The following DHRS2 variants were observed in gnomAD, a reference collection of about 807,000 sequenced individuals.
DHRS2 encodes dehydrogenase/reductase 2.
Under a neutral mutation model 26.3 loss-of-function variants are expected in DHRS2, and 29 were observed. The ratio of observed to expected loss-of-function variants is 1.10; its 90% confidence interval spans 0.82 to 1.50. The LOEUF is 1.50. DHRS2 is among the 40% of genes most tolerant of loss of function. DHRS2 has a pLI of 0.00. For synonymous variants in DHRS2, 164 were observed against 151.3 expected, an observed-to-expected ratio of 1.08 and a Z score of -0.62; for missense variants, 439 against 367.1, an observed-to-expected ratio of 1.20 and a Z score of -1.60.
At chr14:23,640,036 C>A in intron 4 of DHRS2, 141 bp downstream of exon 4, 3 of 778,156 alleles carry the variant, frequency 3.9e-6, no homozygotes, top group Non-Finnish European at 5.3e-6. Flanking sequence ...TCCTGCCTGG[C>A]CAGCTGTCTC....
chr14:23,644,134 C>G lies in DHRS2; in HGVS notation c.512C>G (p.Ser171Cys), dbSNP rs200052546. Residue 171 changes from serine (S) to cysteine (C), a missense_variant, in exon 6 of 9, where the codon TCT becomes TGT. Physicochemically the swap from Ser to Cys is moderately radical, Grantham distance 112. Coordinates refer to ENST00000250383, the MANE Select transcript of DHRS2 (RefSeq NM_005794.4). ...ENRRGAVILVSSIAAYNPVVA... is the reference protein window; with the variant it reads ...ENRRGAVILVCSIAAYNPVVA... ...AGGAGGGGTGCTGTCATCCTGGTCT[C>G]TTCCATTGCAGCTTATAATCCAGTA... The G allele has an allele frequency of 8.7e-6, 14 of 1,614,078 alleles. No individual in the cohort carries two copies. Among genetic ancestry groups the G allele is most frequent in the African/African-American group, 1.3e-5 (1 of 74,916 alleles).
chr14:23,637,339 T>C (rs1890366492), intron 1 of DHRS2, among the ~76,000 whole-genome samples: 2 of 152,282 alleles, frequency 1.3e-5, no homozygotes, highest in South Asian at 2.1e-4. Flanking sequence ...CAGAAAGACA[T>C]AATTTTTGCC....
upstream of DHRS2, among the ~76,000 whole-genome samples, chr14:23,634,782 G>A (rs1012462852): frequency 6.6e-6 from 1 of 152,096 alleles, no homozygotes. Context: ...GTTGGAGGAG[G>A]GGGCCTAGTG....
chr14:23,639,032 G>C, intron 2 of DHRS2, 28 bp downstream of exon 2: 2 of 1,609,578 alleles, frequency 1.2e-6, no homozygotes, highest in Non-Finnish European at 1.7e-6. Flanking sequence ...CATGGGTCCT[G>C]GCCCCTCACA....
In DHRS2 at chr14:23,638,955, A is replaced by C; in HGVS notation, c.91A>C (p.Lys31Gln). The change falls in exon 2 of 9, where the codon AAG becomes CAG. Residue 31 changes from lysine to glutamine, a missense_variant. Transcript: ENST00000250383. Reference sequence around the variant, plus strand: ...GATGAGCAGCACCGGGATAGACAGGAAGGGCGTCCTGGCTAACCGGGTAGC... The same window carrying C: ...GATGAGCAGCACCGGGATAGACAGGCAGGGCGTCCTGGCTAACCGGGTAGC... ...VRMSSTGIDRKGVLANRVAVV... is the reference protein window; with the variant it reads ...VRMSSTGIDRQGVLANRVAVV... The C allele has an allele frequency of 6.2e-7, 1 of 1,614,052 alleles. No homozygotes were observed. The highest frequency in any genetic ancestry group is 8.5e-7 in the Non-Finnish European group (1 of 1,180,018).
Position 23,644,451 on chromosome 14 carries a change from C to T in DHRS2, c.583C>T (p.Leu195Phe). 1 of 1,614,220 alleles carries T rather than the reference C, an allele frequency of 6.2e-7. No homozygotes were observed. The highest frequency in any genetic ancestry group is 8.5e-7 in the Non-Finnish European group (1 of 1,180,048). The change falls in exon 7 of 9, where the codon CTC becomes TTC. Residue 195 changes from leucine (L) to phenylalanine (F), a missense_variant. Transcript: ENST00000250383. The stretch of plus-strand genomic sequence containing the variant: ...TGTCAGCAAGACAGCGCTGCTGGGT[C>T]TCACTAGAACACTGGCATTGGAGCT... ...YNVSKTALLGLTRTLALELAP... is the reference protein window; with the variant it reads ...YNVSKTALLGFTRTLALELAP...
chr14:23,632,271 T>G (rs1890143615), upstream of DHRS2, among the ~76,000 whole-genome samples: 1 of 152,142 alleles, frequency 6.6e-6, no homozygotes, highest in African/African-American at 2.4e-5. Flanking sequence ...ATAACAATGT[T>G]CAGAATCTGG....
upstream of DHRS2, among the ~76,000 whole-genome samples, chr14:23,635,695 G>A (rs1890253740): frequency 6.6e-6 from 1 of 152,256 alleles, no homozygotes; most frequent in Non-Finnish European, 1.5e-5. Context: ...CATCCACTCT[G>A]GCTGCACTTG....
At chr14:23,638,774 C>G in intron 1 of DHRS2, 53 bp from the exon 2 acceptor site, 3 of 1,532,126 alleles carry the variant, frequency 2.0e-6, no homozygotes, top group Non-Finnish European at 1.8e-6. Context: ...GGGTAGATTA[C>G]CTTCATGCTC....
chr14:23,641,522 C>A, intron 4 of DHRS2: 1 of 1,098,902 alleles, frequency 9.1e-7, no homozygotes. Context: ...GTTTTTGTTC[C>A]TGAGTCCAGG....
chr14:23,635,298 C>T (rs1890242813), upstream of DHRS2, among the ~76,000 whole-genome samples: 1 of 152,188 alleles, frequency 6.6e-6, no homozygotes, highest in Non-Finnish European at 1.5e-5. Flanking sequence ...AAGGGATCTG[C>T]CCACCTTGGC....
chr14:23,639,978 C>A, intron 4 of DHRS2, 83 bp downstream of exon 4: 1 of 1,208,030 alleles, frequency 8.3e-7, no homozygotes, highest in Non-Finnish European at 1.1e-6. Flanking sequence ...CCCACCAAGA[C>A]TCTGTTTCCC....
At chr14:23,644,038 A>G (rs1890771310) in intron 5 of DHRS2, 73 bp from the exon 6 acceptor site, 1 of 1,453,882 alleles carries the variant, frequency 6.9e-7, no homozygotes, top group Non-Finnish European at 9.7e-7. Context: ...GCATCATTTA[A>G]TGAACTCATG....
intron 4 of DHRS2, chr14:23,640,222 T>C: frequency 1.0e-6 from 1 of 1,004,552 alleles, no homozygotes. Context: ...GAATGGTTAG[T>C]CAGAGTCTCT....
intron 1 of DHRS2, among the ~76,000 whole-genome samples, chr14:23,637,419 A>G (rs1257199280): frequency 6.6e-6 from 1 of 152,196 alleles, no homozygotes; most frequent in Non-Finnish European, 1.5e-5. Flanking sequence ...GTCTAACAAA[A>G]GCTATTCCTG....
rs759761366 is a variant in DHRS2 at position 23,644,841 on chromosome 14, G to T, written c.690G>T (p.Glu230Asp). ...CCTTTGCCCAGTTTCATGGGAATGA[G>T]TCTCTCTGGAAGAACTTCAAGGAAC... is the stretch of plus-strand genomic sequence containing the variant. ...TDFSKVFHGN[E>D]SLWKNFKEHH... Residue 230 changes from glutamate to aspartate, a missense_variant, in exon 8 of 9, where the codon GAG becomes GAT. Coordinates refer to ENST00000250383, the MANE Select transcript of DHRS2 (RefSeq NM_005794.4). 1.2e-6 allele frequency: 2 copies of T among 1,614,204 alleles called. No homozygotes were observed. Among genetic ancestry groups the T allele is most frequent in the East Asian group, 4.5e-5 (2 of 44,884 alleles).
rs746685787 is a variant in DHRS2 at position 23,639,020 on chromosome 14, C to T, written c.140+16C>T. ...CCACCAGTGGGTGAGTGCTGGATTG[C>T]CCATGGGTCCTGGCCCCTCACAGGG... On this transcript the variant is annotated intron_variant, in intron 2 of 8. Transcript: ENST00000250383. The T allele has an allele frequency of 5.0e-6, 8 of 1,611,318 alleles. No homozygotes were observed. Among genetic ancestry groups the T allele is most frequent in the Non-Finnish European group, 6.8e-6 (8 of 1,179,340 alleles).
intron 4 of DHRS2, chr14:23,642,065 C>T: frequency 9.3e-7 from 1 of 1,080,736 alleles, no homozygotes; most frequent in Non-Finnish European, 1.1e-6. Flanking sequence ...TCCAGAGTGT[C>T]AGGACATGTG....
At chr14:23,638,790 G>T in intron 1 of DHRS2, 37 bp from the exon 2 acceptor site, 2 of 1,541,336 alleles carry the variant, frequency 1.3e-6, no homozygotes, top group South Asian at 1.2e-5. Context: ...TGCTCACTGA[G>T]GCATCAGTGA....
Sources: allele counts gnomAD v4.1 joint callset (sites outside exome capture counted in the v4.1 genomes callset), GRCh38; gene constraint gnomAD v4.1.1; transcripts MANE v1.5; gene names NCBI Gene and HGNC (gene_info 2026-07-23, HGNC 2026-07-21).